The following TET1 variants were observed in gnomAD, a reference collection of about 807,000 sequenced individuals.
The protein encoded by TET1 is tet methylcytosine dioxygenase 1, also known as methylcytosine dioxygenase TET1.
A neutral mutation model predicts 148.7 loss-of-function variants in TET1; 13 were observed. The observed-to-expected ratio is 0.09, with a 90% CI of 0.06 to 0.14. The LOEUF is 0.14. Ranked by LOEUF, TET1 falls within the 10% of genes least tolerant of loss-of-function variation. The pLI is 1.00. For synonymous variants in TET1, 907 were observed against 937.2 expected (o/e 0.97, Z 0.59); for missense variants, 2,182 against 2,553.8 (o/e 0.85, Z 3.14).
At chr10:68,598,693 T>C (rs972810017) in intron 2 of TET1, among the ~76,000 whole-genome samples, 2 of 147,718 alleles carry the variant, frequency 1.4e-5, no homozygotes, top group Non-Finnish European at 3.0e-5. Flanking sequence ...TTTTTTTCTT[T>C]TTCTTTCTTT....
chr10:68,635,839 A>G (rs752110723), intron 3 of TET1, among the ~76,000 whole-genome samples: 9 of 152,190 alleles, frequency 5.9e-5, no homozygotes, highest in African/African-American at 2.2e-4. Context: ...CAAAAACAAA[A>G]CAACGAAGTG....
chr10:68,573,513 C>A lies in TET1; in HGVS notation c.1175C>A (p.Thr392Asn), dbSNP rs534301234. Residue 392 changes from threonine (T) to asparagine (N), a missense_variant, in exon 2 of 12, where the codon ACC (threonine) becomes AAC (asparagine). Physicochemically the swap from Thr to Asn is moderately conservative, Grantham distance 65. Around this residue, in one of 11 missense-constraint regions of TET1, gnomAD observed 665 missense variants for 672.4 expected, o/e 0.99. Coordinates refer to ENST00000373644, the MANE Select transcript of TET1 (RefSeq NM_030625.3). ...DPVHGEALGETPDLPEIPGAI... is the reference protein window; with the variant it reads ...DPVHGEALGENPDLPEIPGAI... ...GTTCATGGTGAGGCCCTGGGTGAGA[C>A]CCCAGATCTACCAGAGATTCCTGGT... 3 of 1,614,116 alleles carry A rather than the reference C, an allele frequency of 1.9e-6. No homozygotes were observed. Among genetic ancestry groups the A allele is most frequent in the Admixed American group, 1.7e-5 (1 of 60,022 alleles).
chr10:68,656,855 G>C lies in TET1; in HGVS notation c.4461+4261G>C, dbSNP rs899575476. Reference sequence around the variant, plus strand: ...ATCCTGGACAATACGGTGAAACTCCGTCTCTAGTAAAATACAAAAAATTAG... The same window carrying C: ...ATCCTGGACAATACGGTGAAACTCCCTCTCTAGTAAAATACAAAAAATTAG... On this transcript the variant is annotated intron_variant, in intron 6 of 11. Coordinates refer to ENST00000373644, the MANE Select transcript of TET1 (RefSeq NM_030625.3). Among the ~76,000 whole-genome samples, 5 of 151,414 alleles carry C rather than the reference G, an allele frequency of 3.3e-5. No homozygotes were observed. In the South Asian group the frequency reaches 1.0e-3, roughly 32 times the overall value.
At chr10:68,652,639 A>G (rs2054954518) in intron 6 of TET1, 45 bp downstream of exon 6, 1 of 1,304,832 alleles carries the variant, frequency 7.7e-7, no homozygotes. Flanking sequence ...TTGTTATTCC[A>G]GAGCTGATAT....
At chr10:68,648,341 A>C (rs2054881979) in intron 4 of TET1, among the ~76,000 whole-genome samples, 1 of 152,214 alleles carries the variant, frequency 6.6e-6, no homozygotes. Context: ...ATTTCAGGTA[A>C]GCACTCTTCT....
intron 10 of TET1, among the ~76,000 whole-genome samples, chr10:68,686,112 A>G (rs948048940): frequency 6.6e-6 from 1 of 152,212 alleles, no homozygotes; most frequent in Admixed American, 6.5e-5. Flanking sequence ...GTATTTTATA[A>G]CGTTATATTT....
At position 68,572,625 on chromosome 10, in the gene TET1, C is replaced by G. The variant is rs2133685316; in HGVS notation, c.287C>G (p.Ser96Cys). The G allele has an allele frequency of 6.2e-7, 1 of 1,614,134 alleles. No individual in the cohort carries two copies. Among genetic ancestry groups the G allele is most frequent in the Non-Finnish European group, 8.5e-7 (1 of 1,180,022 alleles). Residue 96 changes from serine to cysteine, a missense_variant, in exon 2 of 12, where the codon TCC (serine) becomes TGC (cysteine). Ser to Cys is a moderately radical substitution (Grantham distance 112, BLOSUM62 -1). Coordinates refer to ENST00000373644, the MANE Select transcript of TET1 (RefSeq NM_030625.3). ...RTEVLFQNPESLTCNGFTMAL... is the reference protein window; with the variant it reads ...RTEVLFQNPECLTCNGFTMAL... ...GAGGTTCTTTTTCAGAACCCAGAGT[C>G]CTTAACCTGCAATGGGTTTACAATG... is the stretch of plus-strand genomic sequence containing the variant.
chr10:68,680,735 T>A (rs1188111529), intron 8 of TET1, among the ~76,000 whole-genome samples: 5 of 152,250 alleles, frequency 3.3e-5, no homozygotes, highest in Non-Finnish European at 4.4e-5. Context: ...GTCCTCATAG[T>A]CCTTCAAAGT....
At chr10:68,626,547 ACTTT>A (rs2133002951) in intron 3 of TET1, among the ~76,000 whole-genome samples, 1 of 151,328 alleles carries the variant, frequency 6.6e-6, no homozygotes, top group African/African-American at 2.4e-5. Context: ...TTATTTTATT[ACTTT>A]ATTATTATTA....
At chr10:68,598,998 T>C (rs1319586768) in intron 2 of TET1, among the ~76,000 whole-genome samples, 2 of 152,162 alleles carry the variant, frequency 1.3e-5, no homozygotes, top group African/African-American at 2.4e-5. Context: ...ATAGTTTTTT[T>C]CTTACATGAA....
chr10:68,654,561 G>A (rs964620947), intron 6 of TET1, among the ~76,000 whole-genome samples: 1 of 152,266 alleles, frequency 6.6e-6, no homozygotes, highest in Middle Eastern at 3.4e-3. Flanking sequence ...AGGTTGCAGT[G>A]GGCCTAGATC....
intron 3 of TET1, among the ~76,000 whole-genome samples, chr10:68,616,908 T>C (rs2054298535): frequency 6.9e-6 from 1 of 145,558 alleles, no homozygotes; most frequent in Admixed American, 7.0e-5. Context: ...GGGGTTTCAC[T>C]GTGTTAGCCA....
intron 3 of TET1, among the ~76,000 whole-genome samples, chr10:68,614,895 T>TTC (rs1352221350): frequency 6.6e-6 from 1 of 151,900 alleles, no homozygotes; most frequent in African/African-American, 2.4e-5. Flanking sequence ...CACCCAGCCA[T>TTC]TCTCACTTCT....
intron 3 of TET1, among the ~76,000 whole-genome samples, chr10:68,630,563 C>T (rs1253770603): frequency 2.0e-5 from 3 of 152,170 alleles, no homozygotes; most frequent in Non-Finnish European, 4.4e-5. Flanking sequence ...GGTCTGTTTG[C>T]CTCGGCCTCC....
At chr10:68,689,451 C>T (rs2055560585) in intron 11 of TET1, among the ~76,000 whole-genome samples, 2 of 151,982 alleles carry the variant, frequency 1.3e-5, no homozygotes, top group South Asian at 4.2e-4. Context: ...GCCTGTAATC[C>T]CATCACTTTG....
rs768012438 is a variant in TET1 at position 68,573,158 on chromosome 10, G to C, written c.820G>C (p.Gly274Arg). ...CCCCAGCATTCAGTTAGAAGAGTTG[G>C]GTTCACGAGTAGAATCTCTTAAGTT... is the stretch of plus-strand genomic sequence containing the variant. ...GNPSIQLEEL[G>R]SRVESLKLSD... The change falls in exon 2 of 12, where the codon GGT becomes CGT. Residue 274 changes from glycine (G) to arginine (R), a missense_variant. By Grantham distance (125) the Gly-to-Arg change is moderately radical. Around this residue, in one of 11 missense-constraint regions of TET1, gnomAD observed 665 missense variants for 672.4 expected, o/e 0.99. Transcript: ENST00000373644. The C allele has an allele frequency of 6.2e-6, 10 of 1,613,950 alleles. No homozygotes were observed. The highest frequency in any genetic ancestry group is 7.6e-6 in the Non-Finnish European group (9 of 1,180,022).
chr10:68,643,914 A>AT (rs1008451765), intron 3 of TET1, among the ~76,000 whole-genome samples: 2 of 150,040 alleles, frequency 1.3e-5, no homozygotes, highest in Non-Finnish European at 2.9e-5. Flanking sequence ...TTTATTTTTT[A>AT]TTTTTTTTGA....
chr10:68,646,682 AAAT>A lies in TET1; in HGVS notation c.3955_3957del (p.Ile1319del), dbSNP rs2054854612. Reference sequence around the variant, plus strand: ...GCTAACGTGATGGCAGGCGATGACCAAATACGGTTTCAGCAGGTTGTTAAGGAG... The same window carrying A: ...GCTAACGTGATGGCAGGCGATGACCAACGGTTTCAGCAGGTTGTTAAGGAG... On this transcript the variant is annotated inframe_deletion, in exon 4 of 12. Coordinates refer to ENST00000373644, the MANE Select transcript of TET1 (RefSeq NM_030625.3). The A allele has an allele frequency of 3.1e-6, 5 of 1,614,010 alleles. No homozygotes were observed. Among genetic ancestry groups the A allele is most frequent in the Non-Finnish European group, 4.2e-6 (5 of 1,180,022 alleles).
At chr10:68,612,674 A>G (rs2054233783) in intron 3 of TET1, among the ~76,000 whole-genome samples, 2 of 152,162 alleles carry the variant, frequency 1.3e-5, no homozygotes. Flanking sequence ...GCCGTAGTGC[A>G]GTGGCAAGAT....
Sources: gnomAD v4.1 joint callset for allele counts (sites outside exome capture counted in the v4.1 genomes callset) on GRCh38, gnomAD v4.1.1 for gene constraint, gnomAD v4.1.1 regional missense constraint, MANE v1.5 for transcripts, NCBI Gene and HGNC (gene_info 2026-07-23, HGNC 2026-07-21) for gene names.